Variants in GSG1L observed in about 807,000 individuals in gnomAD.
The protein encoded by GSG1L is germ cell-specific gene 1-like protein.
A neutral mutation model predicts 42.1 loss-of-function variants in GSG1L; 24 were observed. That is an observed-to-expected ratio of 0.57 (90% CI 0.41 to 0.80). The LOEUF is 0.80. Ranked by LOEUF, GSG1L falls within the 30% of genes least tolerant of loss-of-function variation. The probability of loss-of-function intolerance (pLI) is 0.00; values close to 1 mark genes in which losing one functional copy is unlikely to be tolerated. For missense variants in GSG1L, 445 were observed against 472.2 expected (o/e 0.94, Z 0.53); for synonymous variants, 215 against 203.5 (o/e 1.06, Z -0.48).
chr16:28,008,882 C>G (rs1298993091), intron 1 of GSG1L, among the ~76,000 whole-genome samples: 1 of 152,144 alleles, frequency 6.6e-6, no homozygotes, highest in Admixed American at 6.5e-5. Context: ...GATTTCGGAC[C>G]ACTGCAACCT....
chr16:27,896,945 C>A (rs1567509558), intron 2 of GSG1L, among the ~76,000 whole-genome samples: 1 of 152,218 alleles, frequency 6.6e-6, no homozygotes. Context: ...CTCACTACAA[C>A]CTCCGCCACC....
chr16:27,965,343 T>A (rs982738221), intron 1 of GSG1L, among the ~76,000 whole-genome samples: 1 of 152,104 alleles, frequency 6.6e-6, no homozygotes, highest in Non-Finnish European at 1.5e-5. Flanking sequence ...TAAAATTTAA[T>A]TTAATTAAAT....
chr16:27,992,137 G>A (rs919171061), intron 1 of GSG1L, among the ~76,000 whole-genome samples: 1 of 152,178 alleles, frequency 6.6e-6, no homozygotes, highest in Non-Finnish European at 1.5e-5. Context: ...TAGTGATGAT[G>A]AGTTTTGCAA....
At chr16:28,001,593 A>G (rs746485095) in intron 1 of GSG1L, among the ~76,000 whole-genome samples, 58 of 152,144 alleles carry the variant, frequency 3.8e-4, no homozygotes, top group Admixed American at 5.9e-4. Context: ...CTTACCCAAA[A>G]CAGGGCTTGT....
At chr16:28,007,078 A>T (rs2085649095) in intron 1 of GSG1L, among the ~76,000 whole-genome samples, 1 of 152,200 alleles carries the variant, frequency 6.6e-6, no homozygotes, top group African/African-American at 2.4e-5. Context: ...TCAGAGACTG[A>T]GTAATGCCCC....
intron 4 of GSG1L, among the ~76,000 whole-genome samples, chr16:27,837,746 T>G (rs2083336076): frequency 6.6e-6 from 1 of 152,202 alleles, no homozygotes; most frequent in Admixed American, 6.5e-5. Flanking sequence ...ATTTTTCTTT[T>G]CTGTAATGTG....
At position 27,884,657 on chromosome 16, in the gene GSG1L, G is replaced by A. The variant is rs2084007267; in HGVS notation, c.398-19C>T. On this transcript the variant is annotated intron_variant, in intron 2 of 6. Transcript: ENST00000447459. This position sits in a 1 kb window ranked among gnomAD's most constrained non-coding sequence, Gnocchi z 4.4. ...AGGACCCCTGTCCAACAGAGGCAGA[G>A]AGGCCGTGAGATGAGGGGCCACCCA... 1 of 1,559,762 alleles carries A rather than the reference G, an allele frequency of 6.4e-7. No individual in the cohort carries two copies. Among genetic ancestry groups the A allele is most frequent in the South Asian group, 1.2e-5 (1 of 84,780 alleles).
At position 27,826,394 on chromosome 16, in the gene GSG1L, C is replaced by T. The variant is rs552561486; in HGVS notation, c.830+2395G>A. Among the ~76,000 whole-genome samples the T allele has an allele frequency of 3.9e-5, 6 of 152,328 alleles. No homozygotes were observed. In the South Asian group the frequency reaches 1.2e-3, roughly 32 times the overall value. On this transcript the variant is annotated intron_variant, in intron 5 of 6. Coordinates refer to ENST00000447459, the MANE Select transcript of GSG1L (RefSeq NM_001109763.2). ...TGCAGCCTCCTGTCCCCTTCCTCGT[C>T]CTCGTCCTCTGCTGAGCCCTGAGGA...
chr16:27,970,733 C>G (rs1388236779), intron 1 of GSG1L, among the ~76,000 whole-genome samples: 1 of 151,792 alleles, frequency 6.6e-6, no homozygotes, highest in Non-Finnish European at 1.5e-5. Flanking sequence ...TGTGCCTAGC[C>G]CAAGATCATG....
intron 1 of GSG1L, among the ~76,000 whole-genome samples, chr16:27,963,561 A>G (rs1199201230): frequency 2.0e-5 from 3 of 152,104 alleles, no homozygotes; most frequent in Non-Finnish European, 2.9e-5. Flanking sequence ...TGGAGGGATC[A>G]TTTCAAAACA....
At chr16:28,043,472 A>G (rs1348261222) in intron 1 of GSG1L, among the ~76,000 whole-genome samples, 1 of 152,270 alleles carries the variant, frequency 6.6e-6, no homozygotes, top group African/African-American at 2.4e-5. Flanking sequence ...TAAAATTATG[A>G]CAGAGAAAAC....
intron 4 of GSG1L, among the ~76,000 whole-genome samples, chr16:27,839,523 CCAAG>C (rs1367301704): frequency 6.6e-6 from 1 of 152,192 alleles, no homozygotes; most frequent in Non-Finnish European, 1.5e-5. Flanking sequence ...AGCTGACATT[CCAAG>C]CAGGGGCCAC....
At chr16:27,803,677 A>G (rs2082910052) in intron 6 of GSG1L, among the ~76,000 whole-genome samples, 1 of 151,808 alleles carries the variant, frequency 6.6e-6, no homozygotes, top group African/African-American at 2.4e-5. Context: ...CGACTGCAAC[A>G]GCAAAACATT....
At position 27,994,832 on chromosome 16, in the gene GSG1L, C is replaced by T. The variant is rs563714751; in HGVS notation, c.350-31629G>A. 3.3e-5 allele frequency among the ~76,000 whole-genome samples: 5 copies of T among 152,330 alleles called. No individual in the cohort carries two copies. In the East Asian group the frequency reaches 9.6e-4, roughly 29 times the overall value. The stretch of plus-strand genomic sequence containing the variant: ...AGGCTGAGAGGTCACAGGGCCACGA[C>T]ATTGCACATAACGGAGCACCATTCA... On this transcript the variant is annotated intron_variant, in intron 1 of 6. Transcript: ENST00000447459.
intron 4 of GSG1L, among the ~76,000 whole-genome samples, chr16:27,843,655 G>A (rs1043786605): frequency 6.6e-6 from 1 of 152,168 alleles, no homozygotes; most frequent in Non-Finnish European, 1.5e-5. Context: ...GGGCATGACT[G>A]GGTTCCAGAT....
intron 5 of GSG1L, among the ~76,000 whole-genome samples, chr16:27,818,345 G>T (rs2083118092): frequency 6.6e-6 from 1 of 151,996 alleles, no homozygotes; most frequent in Non-Finnish European, 1.5e-5. Context: ...TCACTTCAAG[G>T]ACCATCTTGT....
chr16:27,909,283 C>T (rs1204776632), intron 2 of GSG1L, among the ~76,000 whole-genome samples: 5 of 152,092 alleles, frequency 3.3e-5, no homozygotes, highest in Admixed American at 6.6e-5. Flanking sequence ...TCACTATCTG[C>T]CTTTGGACTA....
At chr16:27,873,633 C>T (rs1464629740) in intron 3 of GSG1L, among the ~76,000 whole-genome samples, 1 of 152,120 alleles carries the variant, frequency 6.6e-6, no homozygotes, top group East Asian at 1.9e-4. Flanking sequence ...GAAAACATCG[C>T]AAAATTCTGA....
chr16:27,837,104 G>T (rs2083329133), intron 4 of GSG1L, among the ~76,000 whole-genome samples: 1 of 152,162 alleles, frequency 6.6e-6, no homozygotes, highest in Non-Finnish European at 1.5e-5. Flanking sequence ...AACTGACTCA[G>T]TTCAGCATGG....
Sources: allele counts gnomAD v4.1 joint callset (sites outside exome capture counted in the v4.1 genomes callset), GRCh38; gene constraint gnomAD v4.1.1; non-coding constraint Gnocchi (gnomAD v3.1); transcripts MANE v1.5; gene names NCBI Gene and HGNC (gene_info 2026-07-23, HGNC 2026-07-21).